The following SPTAN1 variants were observed in gnomAD, a reference collection of about 807,000 sequenced individuals.
SPTAN1 encodes spectrin alpha, non-erythrocytic 1, also known as spectrin alpha chain, non-erythrocytic 1.
A neutral mutation model predicts 331.3 loss-of-function variants in SPTAN1; 61 were observed. The ratio of observed to expected loss-of-function variants is 0.18; its 90% confidence interval spans 0.15 to 0.23. The LOEUF (loss-of-function observed/expected upper bound fraction) is 0.23, where lower values mean the gene tolerates loss of function less well. Among genes scored for constraint, SPTAN1 ranks in the 10% least tolerant of loss-of-function variants. The pLI, the probability that SPTAN1 is intolerant of heterozygous loss-of-function variation, is 1.00. For missense variants in SPTAN1, 2,043 were observed against 3,147.9 expected (o/e 0.65, Z 8.40); for synonymous variants, 1,153 against 1,173.9 (o/e 0.98, Z 0.36).
At chr9:128,592,477 G>T (rs1853663501) in intron 22 of SPTAN1, among the ~76,000 whole-genome samples, 2 of 152,254 alleles carry the variant, frequency 1.3e-5, no homozygotes, top group South Asian at 4.1e-4. Flanking sequence ...GTTTCACTGT[G>T]TTGGCCAGGC....
chr9:128,575,146 A>G, intron 4 of SPTAN1, 53 bp from the exon 5 acceptor site: 2 of 1,611,542 alleles, frequency 1.2e-6, no homozygotes, highest in Non-Finnish European at 1.7e-6. Flanking sequence ...TCTGGAAGCC[A>G]TTGTTAACAA....
At chr9:128,597,752 G>C in intron 24 of SPTAN1, among the ~76,000 whole-genome samples, 1 of 152,200 alleles carries the variant, frequency 6.6e-6, no homozygotes, top group East Asian at 1.9e-4. Flanking sequence ...CCCGGTTCAA[G>C]CGATTCTCCT....
rs1564212226 is a variant in SPTAN1, at chr9:128,577,523, A to T, written c.1085+17A>T. On this transcript the variant is annotated intron_variant, in intron 8 of 56. Coordinates refer to ENST00000372739, the MANE Select transcript of SPTAN1 (RefSeq NM_001130438.3). The surrounding 1 kb of genome is among the most constrained non-coding windows in gnomAD (Gnocchi z 4.2). ...TTCATACAGGTGCAAATAATGCTCC[A>T]GGTCTTAACCAGTATCATTTGGCTT... 1 of 1,613,078 alleles carries T rather than the reference A, an allele frequency of 6.2e-7. No individual in the cohort carries two copies. The highest frequency in any genetic ancestry group is 8.5e-7 in the Non-Finnish European group (1 of 1,180,042).
chr9:128,628,071 C>G (rs772399471), intron 51 of SPTAN1, 129 bp downstream of exon 51: 1 of 1,152,414 alleles, frequency 8.7e-7, no homozygotes, highest in Non-Finnish European at 1.3e-6. Flanking sequence ...CTTCCCCTCC[C>G]ACCCTTCTCG....
At chr9:128,609,379 C>G in intron 36 of SPTAN1, 95 bp downstream of exon 36, 1 of 1,561,134 alleles carries the variant, frequency 6.4e-7, no homozygotes, top group Non-Finnish European at 8.7e-7. Flanking sequence ...TCTCCTTGCA[C>G]CCATGGGAAG....
At chr9:128,601,001 T>TTTTTTTTTTTTTTTG (rs1589280716) in intron 27 of SPTAN1, among the ~76,000 whole-genome samples, 1 of 135,708 alleles carries the variant, frequency 7.4e-6, no homozygotes, top group Non-Finnish European at 1.6e-5. Flanking sequence ...TTTTTTTTTT[T>TTTTTTTTTTTTTTTG]GAGACGGAGT....
At chr9:128,624,977 G>T in intron 46 of SPTAN1, 126 bp from the exon 47 acceptor site, 1 of 912,854 alleles carries the variant, frequency 1.1e-6, no homozygotes, top group Middle Eastern at 3.1e-4. Flanking sequence ...TGGGTTCTGA[G>T]GCTGTAGTTA....
In SPTAN1 at chr9:128,574,740, C is replaced by G; in HGVS notation, c.429C>G (p.Ile143Met). ...LLLEKMREKG[I>M]KLLQAQKLVQ... ...TGGAGAAGATGCGAGAAAAAGGAAT[C>G]AAACTGCTGCAGGCCCAGAAGTTGG... Residue 143 changes from isoleucine to methionine, a missense_variant, in exon 4 of 57, where the codon ATC (isoleucine) becomes ATG (methionine). Transcript: ENST00000372739. The G allele has an allele frequency of 6.2e-7, 1 of 1,614,156 alleles. No homozygotes were observed. The highest frequency in any genetic ancestry group is 8.5e-7 in the Non-Finnish European group (1 of 1,180,036).
Position 128,630,369 on chromosome 9 carries a change from T to G in SPTAN1, c.6756T>G (p.Ala2252=). Residue 2252 remains alanine (A), a synonymous_variant, in exon 52 of 57, where the codon GCT becomes GCG. Transcript: ENST00000372739. ...GGACCCTCGAATCCCAGCTTGAAGC[T>G]ACCAAAGTAAGTGCCCGTGGGGCTC... ...ESGTLESQLE[A]TKRKHQEIRA... is the part of the protein sequence containing the mutation. The G allele has an allele frequency of 1.2e-6, 2 of 1,612,302 alleles. No individual in the cohort carries two copies. The highest frequency in any genetic ancestry group is 1.7e-6 in the Non-Finnish European group (2 of 1,179,964).
chr9:128,602,201 G>T (rs1048057238), intron 27 of SPTAN1, among the ~76,000 whole-genome samples: 63 of 142,952 alleles, frequency 4.4e-4, no homozygotes, highest in African/African-American at 8.5e-4. Context: ...TTTTTTTTTT[G>T]TTTTTTTTGG....
intron 1 of SPTAN1, among the ~76,000 whole-genome samples, chr9:128,563,839 T>C (rs775213765): frequency 6.6e-6 from 1 of 151,384 alleles, no homozygotes; most frequent in South Asian, 2.1e-4. Context: ...GGTTTAGCCA[T>C]ATTACCTAGG....
At chr9:128,562,723 G>A (rs1589134713) in intron 1 of SPTAN1, among the ~76,000 whole-genome samples, 1 of 151,596 alleles carries the variant, frequency 6.6e-6, no homozygotes, top group East Asian at 1.9e-4. Context: ...ACAAAACTTT[G>A]GGAGGCCAAG....
chr9:128,604,298 G>T (rs756721547), intron 28 of SPTAN1, 28 bp from the exon 29 acceptor site: 1 of 1,611,494 alleles, frequency 6.2e-7, no homozygotes, highest in Non-Finnish European at 8.5e-7. Context: ...AGGGAGTGCA[G>T]TGGAGCTGAT....
Position 128,569,986 on chromosome 9 carries a change from T to C in SPTAN1, c.363+1089T>C, listed in dbSNP as rs146092668. Among the ~76,000 whole-genome samples, 220 of 152,350 alleles carry C rather than the reference T, an allele frequency of 1.4e-3. 1 individual carries two copies. The highest frequency in any genetic ancestry group is 6.8e-3 in the Middle Eastern group (2 of 294). On this transcript the variant is annotated intron_variant, in intron 3 of 56. Coordinates refer to ENST00000372739, the MANE Select transcript of SPTAN1 (RefSeq NM_001130438.3). Reference sequence around the variant, plus strand: ...ATAAAAGTGAATTCCAAATGTCATATGACTAATAACATTTAACCCATTTGG... The same window carrying C: ...ATAAAAGTGAATTCCAAATGTCATACGACTAATAACATTTAACCCATTTGG...
intron 36 of SPTAN1, 157 bp from the exon 37 acceptor site, chr9:128,609,494 C>T: frequency 1.0e-6 from 1 of 955,844 alleles, no homozygotes; most frequent in Non-Finnish European, 1.6e-6. Flanking sequence ...AAAACTATTT[C>T]TGCTGTAATA....
chr9:128,604,679 C>T (rs1855592317), intron 29 of SPTAN1, among the ~76,000 whole-genome samples: 1 of 152,182 alleles, frequency 6.6e-6, no homozygotes, highest in Non-Finnish European at 1.5e-5. Context: ...TGCCTGTAAT[C>T]CCAGCACTTT....
At chr9:128,607,419 G>A (rs1192267895) in intron 31 of SPTAN1, among the ~76,000 whole-genome samples, 185 bp from the exon 32 acceptor site, 2 of 152,006 alleles carry the variant, frequency 1.3e-5, no homozygotes, top group Non-Finnish European at 1.5e-5. Flanking sequence ...TGAGAAATTC[G>A]GACTTTTAAA....
At chr9:128,620,946 C>G (rs1857773475) in intron 44 of SPTAN1, among the ~76,000 whole-genome samples, 1 of 152,184 alleles carries the variant, frequency 6.6e-6, no homozygotes, top group African/African-American at 2.4e-5. Flanking sequence ...CCCACCACTG[C>G]TGGTTACTCT....
intron 1 of SPTAN1, chr9:128,555,365 T>C: frequency 2.3e-6 from 3 of 1,289,684 alleles, no homozygotes; most frequent in Non-Finnish European, 3.0e-6. Flanking sequence ...CATTCCTCCA[T>C]CATGTTGTCA....
Sources: allele counts gnomAD v4.1 joint callset (sites outside exome capture counted in the v4.1 genomes callset), GRCh38; gene constraint gnomAD v4.1.1; non-coding constraint Gnocchi (gnomAD v3.1); transcripts MANE v1.5; gene names NCBI Gene and HGNC (gene_info 2026-07-23, HGNC 2026-07-21).